MORN1: variants seen among roughly 807,000 people sequenced by gnomAD.
MORN1 encodes the protein MORN repeat-containing protein 1.
In MORN1, 67 loss-of-function variants were observed where a neutral mutation model predicts 61.9. The ratio of observed to expected loss-of-function variants is 1.08; its 90% CI spans 0.89 to 1.33. The LOEUF (loss-of-function observed/expected upper bound fraction) is 1.33. MORN1 is among the 40% of genes most tolerant of loss of function. MORN1 has a pLI of 0.00. For synonymous variants in MORN1, 301 were observed against 292.0 expected (o/e 1.03, Z -0.31); for missense variants, 752 against 691.2 (o/e 1.09, Z -0.99).
rs547665545 is a variant in MORN1, at chr1:2,336,483, A to G, written c.1236T>C (p.Pro412=). The change falls in exon 12 of 14, where the codon CCT becomes CCC. Residue 412 remains proline (P), a synonymous_variant. Transcript: ENST00000378531. ...GCTCATCCTACCTGCTGCCTCCAGG[A>G]GGCTCCTGTGCCGTGGGTGGTGTCC... ...PRGTPPTAQE[P]PGGSRPEGRA... The G allele has an allele frequency of 1.2e-6, 2 of 1,612,044 alleles. No individual in the cohort carries two copies. The highest frequency in any genetic ancestry group is 1.7e-5 in the Admixed American group (1 of 59,982).
chr1:2,356,997 G>A (rs1318277877), intron 10 of MORN1, among the ~76,000 whole-genome samples: 4 of 152,160 alleles, frequency 2.6e-5, no homozygotes, highest in Non-Finnish European at 5.9e-5. Flanking sequence ...GCGGAGCAGC[G>A]GGAAACCCTG....
At chr1:2,352,129 G>A in intron 10 of MORN1, 1 of 391,410 alleles carries the variant, frequency 2.6e-6, no homozygotes, top group Non-Finnish European at 4.9e-6. Context: ...GAGTGTTTGT[G>A]AGCTTTTTGT....
chr1:2,328,630 T>C (rs1641084795), intron 12 of MORN1, among the ~76,000 whole-genome samples: 1 of 152,186 alleles, frequency 6.6e-6, no homozygotes, highest in Admixed American at 6.5e-5. Context: ...TGTGAAAGTC[T>C]GAAAATCAGG....
At chr1:2,388,809 GAGA>G (rs1642570067) in intron 2 of MORN1, among the ~76,000 whole-genome samples, 1 of 140,932 alleles carries the variant, frequency 7.1e-6, no homozygotes. Context: ...AAGAGAGAGA[GAGA>G]AGAAAACTAG....
In MORN1 at chr1:2,385,776, G is replaced by A. The variant is rs528920595; in HGVS notation, c.449+31C>T. The A allele has an allele frequency of 2.6e-5, 42 of 1,594,028 alleles. No individual in the cohort carries two copies. Among genetic ancestry groups the A allele is most frequent in the East Asian group, 2.5e-4 (11 of 44,792 alleles). On this transcript the variant is annotated intron_variant, in intron 5 of 13. Coordinates refer to ENST00000378531, the MANE Select transcript of MORN1 (RefSeq NM_024848.3). The stretch of plus-strand genomic sequence containing the variant: ...CACCTGCCCTGTGTATCTGTCATGC[G>A]CCAGGCAGTACCCACAAGACTCATA...
At chr1:2,327,721 G>T (rs890765298) in intron 12 of MORN1, among the ~76,000 whole-genome samples, 1 of 152,220 alleles carries the variant, frequency 6.6e-6, no homozygotes, top group South Asian at 2.1e-4. Context: ...GGGCAGGCGC[G>T]GCGGGCAGGC....
At chr1:2,386,282 A>G (rs1404428782) in intron 4 of MORN1, 2 of 206,906 alleles carry the variant, frequency 9.7e-6, no homozygotes, top group African/African-American at 2.3e-5. Flanking sequence ...TGTTTTCACA[A>G]GAAACTTCAA....
At chr1:2,355,405 T>C (rs565489285) in intron 10 of MORN1, 1 of 1,549,946 alleles carries the variant, frequency 6.5e-7, no homozygotes, top group South Asian at 1.2e-5. Context: ...CTGCGCTTGC[T>C]GGTCCTCTCA....
intron 13 of MORN1, chr1:2,323,813 C>T (rs1640936540): frequency 2.0e-6 from 2 of 985,330 alleles, no homozygotes; most frequent in African/African-American, 3.5e-5. Flanking sequence ...TCCCCGTGCT[C>T]CCTGCCCCCG....
chr1:2,379,043 T>C, intron 6 of MORN1: 1 of 471,056 alleles, frequency 2.1e-6, no homozygotes. Context: ...AAAAAGGTTC[T>C]TCATAGAGCT....
chr1:2,381,091 G>T (rs913598616), intron 6 of MORN1, among the ~76,000 whole-genome samples: 2 of 152,232 alleles, frequency 1.3e-5, no homozygotes, highest in Admixed American at 1.3e-4. Flanking sequence ...AGCCAAGAGA[G>T]CCTCGCTTCT....
chr1:2,387,327 C>T (rs1481559173), intron 4 of MORN1, 92 bp downstream of exon 4: 5 of 916,810 alleles, frequency 5.5e-6, no homozygotes, highest in South Asian at 3.9e-5. Context: ...TCAGGCAGGC[C>T]CTCTCAGAGG....
chr1:2,345,557 C>T (rs2843135), intron 10 of MORN1, among the ~76,000 whole-genome samples: 24,719 of 152,276 alleles, frequency 0.16, 2,706 homozygotes, highest in Admixed American at 0.33. Flanking sequence ...CCAGCACCTG[C>T]CCCTCGCCAG....
chr1:2,369,074 G>A (rs1642058767), intron 8 of MORN1, among the ~76,000 whole-genome samples: 1 of 149,546 alleles, frequency 6.7e-6, no homozygotes, highest in African/African-American at 2.5e-5. Context: ...AAAAAAGGCG[G>A]GGGGCAGTGG....
At chr1:2,328,907 C>T (rs968537908) in intron 12 of MORN1, among the ~76,000 whole-genome samples, 4 of 152,330 alleles carry the variant, frequency 2.6e-5, no homozygotes, top group South Asian at 2.1e-4. Flanking sequence ...CAAGGGAACC[C>T]GCCCAGGGAG....
At chr1:2,327,552 A>C (rs957481799) in intron 12 of MORN1, among the ~76,000 whole-genome samples, 1 of 152,224 alleles carries the variant, frequency 6.6e-6, no homozygotes, top group Non-Finnish European at 1.5e-5. Flanking sequence ...AAACACACAG[A>C]AACACTGAAA....
Position 2,336,816 on chromosome 1 carries a change from A to G in MORN1, c.1071T>C (p.Cys357=), listed in dbSNP as rs1641290412. 1 of 1,598,050 alleles carries G rather than the reference A, an allele frequency of 6.3e-7. No homozygotes were observed. Among genetic ancestry groups the G allele is most frequent in the African/African-American group, 1.3e-5 (1 of 74,332 alleles). The stretch of plus-strand genomic sequence containing the variant: ...CGGCACAGCCCTGCTCCACTCGCTG[A>G]CAGGCCCCGGGACAATGGGGCGCAT... ...RGHAPHCPGA[C]QRVEQGCAEF... Residue 357 remains cysteine (C), a synonymous_variant, in exon 11 of 14, where the codon TGT becomes TGC. Coordinates refer to ENST00000378531, the MANE Select transcript of MORN1 (RefSeq NM_024848.3).
intron 12 of MORN1, among the ~76,000 whole-genome samples, chr1:2,331,888 CT>C (rs1171689912): frequency 6.7e-5 from 9 of 134,744 alleles, no homozygotes; most frequent in Admixed American, 2.9e-4. Context: ...TCTCCCGCCC[CT>C]GCGCCTCTCC....
At chr1:2,379,239 G>A (rs374890593) in intron 6 of MORN1, 1 of 448,066 alleles carries the variant, frequency 2.2e-6, no homozygotes, top group African/African-American at 2.0e-5. Context: ...TGATGTAGGA[G>A]GTGCCAAGGG....
Sources: allele counts gnomAD v4.1 joint callset (sites outside exome capture counted in the v4.1 genomes callset), GRCh38; gene constraint gnomAD v4.1.1; transcripts MANE v1.5; gene names NCBI Gene and HGNC (gene_info 2026-07-23, HGNC 2026-07-21).